Variants in STK3 observed in about 807,000 individuals in gnomAD.
STK3 encodes the protein serine/threonine kinase 3, also known as serine/threonine-protein kinase 3.
Under a neutral mutation model 58.0 loss-of-function variants are expected in STK3, and 41 were observed. That is an observed-to-expected ratio of 0.71 (90% CI 0.55 to 0.92). STK3 has a LOEUF of 0.92. Among genes scored for constraint, STK3 ranks in the 40% least tolerant of loss-of-function variants. The pLI is 0.00. For synonymous variants in STK3, 170 were observed against 191.0 expected (o/e 0.89, Z 0.91); for missense variants, 479 against 602.7 (o/e 0.79, Z 2.15).
At chr8:98,559,443 A>C (rs557448088) in intron 8 of STK3, among the ~76,000 whole-genome samples, 14 of 152,266 alleles carry the variant, frequency 9.2e-5, no homozygotes, top group African/African-American at 3.1e-4. Context: ...TGAAGCCTGG[A>C]GGAGCCCCAT....
intron 1 of STK3, chr8:98,782,603 TC>T: frequency 3.8e-6 from 1 of 261,926 alleles, no homozygotes; most frequent in Non-Finnish European, 7.8e-6. Flanking sequence ...CAAGACTTTG[TC>T]CAAGGAGGAA....
chr8:98,385,253 G>A (rs1226527779), intron 1 of STK3, among the ~76,000 whole-genome samples: 1 of 152,092 alleles, frequency 6.6e-6, no homozygotes, highest in South Asian at 2.1e-4. Flanking sequence ...GGGTTTGAGT[G>A]GGGGTCGGGG....
intron 1 of STK3, among the ~76,000 whole-genome samples, chr8:98,935,694 C>A (rs898785413): frequency 6.6e-6 from 1 of 152,042 alleles, no homozygotes; most frequent in African/African-American, 2.4e-5. Flanking sequence ...AGATGAGTAA[C>A]TTTTTCTCTA....
chr8:98,384,164 T>G (rs1359791647), intron 1 of STK3, among the ~76,000 whole-genome samples: 1 of 152,234 alleles, frequency 6.6e-6, no homozygotes, highest in Non-Finnish European at 1.5e-5. Context: ...ACGTTTCCAC[T>G]TTGGCCTCTG....
At chr8:98,450,639 A>G (rs1472222789), downstream of STK3, among the ~76,000 whole-genome samples, 1 of 152,232 alleles carries the variant, frequency 6.6e-6, no homozygotes, top group Non-Finnish European at 1.5e-5. Flanking sequence ...TTACAACAAA[A>G]CATAGATTTC....
At chr8:98,752,912 G>A (rs1301445926) in intron 3 of STK3, among the ~76,000 whole-genome samples, 1 of 150,226 alleles carries the variant, frequency 6.7e-6, no homozygotes, top group Non-Finnish European at 1.5e-5. Context: ...GAGATACCAT[G>A]TTACACCAGT....
chr8:98,541,090 G>A (rs1377085934), intron 9 of STK3, among the ~76,000 whole-genome samples: 2 of 152,170 alleles, frequency 1.3e-5, no homozygotes, highest in Admixed American at 6.5e-5. Context: ...GCTCACTTTT[G>A]TGGTGTTGTG....
intron 3 of STK3, among the ~76,000 whole-genome samples, chr8:98,750,962 A>G (rs920071865): frequency 2.0e-5 from 3 of 152,230 alleles, no homozygotes; most frequent in Non-Finnish European, 4.4e-5. Flanking sequence ...ACAAATCAAT[A>G]AATGTGATTC....
At position 98,548,070 on chromosome 8, in the gene STK3, G is replaced by A. The variant is rs1810863744; in HGVS notation, c.1040C>T (p.Ala347Val). 6.2e-7 allele frequency: 1 copy of A among 1,609,348 alleles called. No homozygotes were observed. The highest frequency in any genetic ancestry group is 1.3e-5 in the African/African-American group (1 of 74,606). Residue 347 changes from alanine (A) to valine (V), a missense_variant, in exon 9 of 11, where the codon GCC (alanine) becomes GTC (valine). Ala to Val is a moderately conservative substitution (Grantham distance 64, BLOSUM62 0). Around this residue, in one of 3 missense-constraint regions of STK3, gnomAD observed 309 missense variants for 355.7 expected, o/e 0.87. Coordinates refer to ENST00000419617, the MANE Select transcript of STK3 (RefSeq NM_006281.4). ...GCTATTATGTTCAATCATGGTCTGG[G>A]CCCCTTCACTCATCGTGCTTGTGGC... ...MRATSTMSEG[A>V]QTMIEHNSTM...
chr8:98,421,399 T>C (rs2131055699), intron 3 of STK3, among the ~76,000 whole-genome samples: 1 of 152,336 alleles, frequency 6.6e-6, no homozygotes, highest in Middle Eastern at 3.4e-3. Flanking sequence ...TGGTTGCCCC[T>C]ACCCTTGCAG....
At chr8:98,688,607 A>T (rs1430019538) in intron 6 of STK3, among the ~76,000 whole-genome samples, 1 of 152,182 alleles carries the variant, frequency 6.6e-6, no homozygotes, top group African/African-American at 2.4e-5. Context: ...ATAGAAACCA[A>T]CACCAAGAGG....
At chr8:98,458,114 TACACAC>T (rs34309401) in intron 10 of STK3, among the ~76,000 whole-genome samples, 1 of 150,286 alleles carries the variant, frequency 6.7e-6, no homozygotes, top group South Asian at 2.1e-4. Flanking sequence ...CACACACATA[TACACAC>T]ACACACACAC....
chr8:98,844,821 C>G (rs1836139350), intron 3 of STK3, among the ~76,000 whole-genome samples: 1 of 152,198 alleles, frequency 6.6e-6, no homozygotes, highest in Non-Finnish European at 1.5e-5. Context: ...GATGGTTATT[C>G]CAACTGCAGC....
chr8:98,814,901 T>C (rs2515221), intron 1 of STK3, among the ~76,000 whole-genome samples: 113,849 of 152,180 alleles, frequency 0.75, 42,844 homozygotes, highest in South Asian at 0.84. Flanking sequence ...AGGCTGGTCT[T>C]GAACTCCTAG....
At chr8:98,720,792 T>G (rs1216371151) in intron 4 of STK3, among the ~76,000 whole-genome samples, 2 of 151,202 alleles carry the variant, frequency 1.3e-5, no homozygotes, top group Non-Finnish European at 2.9e-5. Context: ...GTTTTGAGAC[T>G]TGTTCTAAGT....
At chr8:98,409,605 C>T (rs4735561) in intron 3 of STK3, among the ~76,000 whole-genome samples, 22,050 of 152,244 alleles carry the variant, frequency 0.14, 2,694 homozygotes, top group East Asian at 0.43. Flanking sequence ...CACTTTGGAC[C>T]CAGCTACCGC....
chr8:98,787,328 C>T (rs575938615), intron 1 of STK3, among the ~76,000 whole-genome samples: 22 of 151,110 alleles, frequency 1.5e-4, no homozygotes, highest in South Asian at 1.3e-3. Flanking sequence ...AGCAGAAGAA[C>T]GAACTTGAGA....
chr8:98,780,114 A>C (rs1831987511), intron 1 of STK3, among the ~76,000 whole-genome samples: 2 of 151,696 alleles, frequency 1.3e-5, no homozygotes, highest in African/African-American at 4.8e-5. Context: ...TATTGTCATA[A>C]CTATATGGTA....
chr8:98,504,146 G>A (rs1823853332), intron 10 of STK3, among the ~76,000 whole-genome samples: 1 of 152,154 alleles, frequency 6.6e-6, no homozygotes, highest in East Asian at 1.9e-4. Context: ...TTATGTAATG[G>A]CCTTCTTTGT....
Sources: gnomAD v4.1 joint callset for allele counts (sites outside exome capture counted in the v4.1 genomes callset) on GRCh38, gnomAD v4.1.1 for gene constraint, gnomAD v4.1.1 regional missense constraint, MANE v1.5 for transcripts, NCBI Gene and HGNC (gene_info 2026-07-23, HGNC 2026-07-21) for gene names.